NR5A2: variants seen among roughly 807,000 people sequenced by gnomAD.
The protein encoded by NR5A2 is CYP7A promoter-binding factor.
A neutral mutation model predicts 62.7 loss-of-function variants in NR5A2; 26 were observed. The observed-to-expected ratio is 0.41, with a 90% CI of 0.30 to 0.58. The LOEUF is 0.58. Among genes scored for constraint, NR5A2 ranks in the 20% least tolerant of loss-of-function variants. The pLI, the probability that NR5A2 is intolerant of heterozygous loss-of-function variation, is 0.22. For missense variants in NR5A2, 541 were observed against 669.1 expected (o/e 0.81, Z 2.11); for synonymous variants, 246 against 241.7 (o/e 1.02, Z -0.16).
intron 7 of NR5A2, among the ~76,000 whole-genome samples, chr1:200,164,295 G>T (rs1653791718): frequency 6.6e-6 from 1 of 152,116 alleles, no homozygotes; most frequent in Admixed American, 6.6e-5. Flanking sequence ...TGCAAGAACG[G>T]CCTAGTGGAA....
intron 7 of NR5A2, among the ~76,000 whole-genome samples, chr1:200,143,675 C>T (rs1667545155): frequency 7.1e-6 from 1 of 140,036 alleles, no homozygotes; most frequent in Non-Finnish European, 1.5e-5. Flanking sequence ...TGGAGTCTCA[C>T]TCTGTTGCCC....
At chr1:200,063,146 C>G (rs954208255) in intron 5 of NR5A2, among the ~76,000 whole-genome samples, 1 of 152,034 alleles carries the variant, frequency 6.6e-6, no homozygotes, top group African/African-American at 2.4e-5. Context: ...GCCTCAGCCT[C>G]CTAAGTAGCT....
At chr1:200,145,527 C>G (rs1268678188) in intron 7 of NR5A2, among the ~76,000 whole-genome samples, 1 of 149,088 alleles carries the variant, frequency 6.7e-6, no homozygotes, top group African/African-American at 2.5e-5. Context: ...ATAAAGGTGA[C>G]TCAACATTTA....
chr1:200,090,898 A>G (rs1664786303), intron 5 of NR5A2, among the ~76,000 whole-genome samples: 1 of 152,208 alleles, frequency 6.6e-6, no homozygotes, highest in Non-Finnish European at 1.5e-5. Flanking sequence ...ATCACCCTGG[A>G]GTGCGATGGA....
intron 4 of NR5A2, among the ~76,000 whole-genome samples, chr1:200,045,958 T>C (rs1281087806): frequency 6.6e-6 from 1 of 152,210 alleles, no homozygotes; most frequent in African/African-American, 2.4e-5. Context: ...TTTGAGTTTT[T>C]AAATCAAGAT....
At chr1:200,161,831 G>A (rs1571576775) in intron 7 of NR5A2, among the ~76,000 whole-genome samples, 1 of 152,072 alleles carries the variant, frequency 6.6e-6, no homozygotes, top group Non-Finnish European at 1.5e-5. Context: ...TGTATTCATG[G>A]GCACTGAATA....
intron 7 of NR5A2, among the ~76,000 whole-genome samples, chr1:200,124,380 A>G (rs531000974): frequency 1.1e-4 from 16 of 152,340 alleles, no homozygotes; most frequent in Non-Finnish European, 1.6e-4. Context: ...ACAGGACTCA[A>G]AAGAAAAGTA....
At chr1:200,137,148 T>C (rs1460030689) in intron 7 of NR5A2, among the ~76,000 whole-genome samples, 1 of 151,108 alleles carries the variant, frequency 6.6e-6, no homozygotes, top group Non-Finnish European at 1.5e-5. Context: ...TTTTATTTTA[T>C]TTATTTATTT....
At chr1:200,081,952 A>C (rs1664315085) in intron 5 of NR5A2, among the ~76,000 whole-genome samples, 2 of 151,938 alleles carry the variant, frequency 1.3e-5, no homozygotes, top group African/African-American at 2.4e-5. Context: ...TATGCCCCTT[A>C]ATTAAATCTC....
intron 7 of NR5A2, among the ~76,000 whole-genome samples, chr1:200,158,362 G>A (rs968647679): frequency 2.0e-5 from 3 of 152,014 alleles, no homozygotes; most frequent in Non-Finnish European, 4.4e-5. Context: ...TAGATGCAAG[G>A]GGTTTAATAA....
At chr1:200,164,894 TAGACGGAGTC>T (rs1653824423) in intron 7 of NR5A2, among the ~76,000 whole-genome samples, 1 of 117,562 alleles carries the variant, frequency 8.5e-6, no homozygotes. Context: ...TTTTTTTTTT[TAGACGGAGTC>T]TTACTCTTGT....
chr1:200,110,653 G>A (rs1301030313), intron 5 of NR5A2, among the ~76,000 whole-genome samples: 3 of 152,112 alleles, frequency 2.0e-5, no homozygotes, highest in Admixed American at 1.3e-4. Context: ...CAGCACAATC[G>A]GACTTTCAGT....
chr1:200,073,290 ATTCCCC>A (rs1371127181), intron 5 of NR5A2, among the ~76,000 whole-genome samples: 5 of 72,820 alleles, frequency 6.9e-5, no homozygotes, highest in African/African-American at 3.2e-4. Context: ...ATATATATAT[ATTCCCC>A]TTTATATATA....
At chr1:200,113,933 C>T (rs985337638) in intron 6 of NR5A2, among the ~76,000 whole-genome samples, 3 of 152,230 alleles carry the variant, frequency 2.0e-5, no homozygotes, top group Non-Finnish European at 2.9e-5. Flanking sequence ...GTAATCCCAG[C>T]GCTTTGGGAG....
chr1:200,120,913 C>T lies in NR5A2; in HGVS notation c.1336C>T (p.Arg446Ter). Reference sequence around the variant, plus strand: ...ACTTCGTTCTCTCCAGTTTGATCAACGAGAGTTCGTATGTCTGAAATTCTT... The same window carrying T: ...ACTTCGTTCTCTCCAGTTTGATCAATGAGAGTTCGTATGTCTGAAATTCTT... Reference protein sequence around the residue: ...AKLRSLQFDQREFVCLKFLVL... With the variant: ...AKLRSLQFDQ The change falls in exon 7 of 8, where the codon CGA (arginine) becomes TGA (stop). Residue 446 changes from arginine (R) to a stop codon, truncating the protein, a stop_gained. Transcript: ENST00000367362. LOFTEE classifies it high-confidence loss of function. 1.9e-6 allele frequency: 3 copies of T among 1,613,784 alleles called. No individual in the cohort carries two copies. Among genetic ancestry groups the T allele is most frequent in the Non-Finnish European group, 2.5e-6 (3 of 1,179,840 alleles).
At chr1:200,103,387 T>C (rs530185158) in intron 5 of NR5A2, among the ~76,000 whole-genome samples, 28 of 152,282 alleles carry the variant, frequency 1.8e-4, no homozygotes, top group African/African-American at 6.3e-4. Context: ...CCCAAAGTGC[T>C]GTAATTACGG....
intron 2 of NR5A2, chr1:200,042,712 GCCCGCCCA>G (rs1345095081): frequency 9.2e-5 from 60 of 655,080 alleles, no homozygotes; most frequent in Non-Finnish European, 1.1e-4. Context: ...ACCTGCGGGT[GCCCGCCCA>G]CCCGCGCCCC....
At chr1:200,069,855 C>T (rs1663657018) in intron 5 of NR5A2, among the ~76,000 whole-genome samples, 1 of 139,294 alleles carries the variant, frequency 7.2e-6, no homozygotes, top group Non-Finnish European at 1.6e-5. Context: ...AAAACATAAT[C>T]TCTAATTATG....
intron 5 of NR5A2, among the ~76,000 whole-genome samples, chr1:200,071,399 T>G (rs539887925): frequency 6.6e-6 from 1 of 152,186 alleles, no homozygotes; most frequent in Non-Finnish European, 1.5e-5. Context: ...GAGGTGTTTA[T>G]GTAGCATCAA....
Sources: allele counts gnomAD v4.1 joint callset (sites outside exome capture counted in the v4.1 genomes callset), GRCh38; gene constraint gnomAD v4.1.1; transcripts MANE v1.5; gene names NCBI Gene and HGNC (gene_info 2026-07-23, HGNC 2026-07-21).